MBNL2: variants seen among roughly 807,000 people sequenced by gnomAD.
MBNL2 encodes muscleblind like splicing regulator 2.
MBNL2 carries 17 observed loss-of-function variants against 41.9 expected under a neutral mutation model. The ratio of observed to expected loss-of-function variants is 0.41; its 90% CI spans 0.28 to 0.61. The LOEUF is 0.61. Ranked by LOEUF, MBNL2 falls within the 20% of genes least tolerant of loss-of-function variation. The pLI, the probability that MBNL2 is intolerant of heterozygous loss-of-function variation, is 0.35. For missense variants in MBNL2, 336 were observed against 505.6 expected, an observed-to-expected ratio of 0.66 and a Z score of 3.22; for synonymous variants, 195 against 182.9, an observed-to-expected ratio of 1.07 and a Z score of -0.53.
intron 8 of MBNL2, among the ~76,000 whole-genome samples, chr13:97,387,730 T>C (rs1262353049): frequency 6.6e-6 from 1 of 152,162 alleles, no homozygotes; most frequent in Non-Finnish European, 1.5e-5. Context: ...TGCAAGCCAG[T>C]TAAAATTATG....
chr13:97,274,286 C>T (rs532088351), intron 1 of MBNL2, among the ~76,000 whole-genome samples: 2 of 152,068 alleles, frequency 1.3e-5, no homozygotes, highest in East Asian at 1.9e-4. Context: ...GTCAAGAGTT[C>T]GAAACCAGCC....
rs2061944946 is a variant in MBNL2 at position 97,347,075 on chromosome 13, C to T, written c.804+8C>T. The T allele has an allele frequency of 2.6e-6, 4 of 1,537,756 alleles. No homozygotes were observed. The highest frequency in any genetic ancestry group is 1.2e-5 in the South Asian group (1 of 82,654). ...GCCGCGGCCACAGTCATGGTAAGTGCGGCCGCCCGCCGCCCCTGCACCCCG... is the reference window on the plus strand; with the variant it reads ...GCCGCGGCCACAGTCATGGTAAGTGTGGCCGCCCGCCGCCCCTGCACCCCG... On this transcript the variant is annotated splice_region_variant and intron_variant, in intron 5 of 8. Coordinates refer to ENST00000679496, the MANE Select transcript of MBNL2 (RefSeq NM_001382683.1).
chr13:97,181,872 C>G, the MBNL2 span, among the ~76,000 whole-genome samples: 1 of 152,066 alleles, frequency 6.6e-6, no homozygotes, highest in Admixed American at 6.6e-5. Flanking sequence ...GTTTCCTGCC[C>G]CTGTAACTGA....
chr13:97,152,069 A>G, the MBNL2 span, among the ~76,000 whole-genome samples: 48 of 152,342 alleles, frequency 3.2e-4, 2 homozygotes, highest in South Asian at 9.5e-3. Context: ...ATTTGAAATT[A>G]AAAAAGACAA....
intron 8 of MBNL2, among the ~76,000 whole-genome samples, chr13:97,381,847 A>C (rs2065479078): frequency 1.3e-5 from 2 of 151,586 alleles, no homozygotes; most frequent in Non-Finnish European, 2.9e-5. Flanking sequence ...ATATTATATT[A>C]ATTAATATTA....
chr13:97,185,996 C>T, the MBNL2 span, among the ~76,000 whole-genome samples: 2 of 152,206 alleles, frequency 1.3e-5, no homozygotes, highest in African/African-American at 4.8e-5. Flanking sequence ...GGCTTTTTCT[C>T]TATACCCAGC....
intron 1 of MBNL2, among the ~76,000 whole-genome samples, chr13:97,264,599 TATTG>T (rs2049353775): frequency 6.6e-6 from 1 of 152,238 alleles, no homozygotes; most frequent in Admixed American, 6.5e-5. Context: ...TATGGCAATA[TATTG>T]ATTTTGTTTT....
At chr13:97,163,826 G>C in the MBNL2 span, among the ~76,000 whole-genome samples, 1 of 152,042 alleles carries the variant, frequency 6.6e-6, no homozygotes, top group Non-Finnish European at 1.5e-5. Flanking sequence ...TTTGGACACA[G>C]GGACACAAAC....
the MBNL2 span, among the ~76,000 whole-genome samples, chr13:97,166,361 A>C: frequency 6.6e-6 from 1 of 152,212 alleles, no homozygotes; most frequent in Non-Finnish European, 1.5e-5. Flanking sequence ...CAGGTAGATA[A>C]GGCATAAGGT....
intron 2 of MBNL2, among the ~76,000 whole-genome samples, chr13:97,311,667 T>A (rs1358553349): frequency 1.3e-5 from 2 of 151,452 alleles, no homozygotes; most frequent in African/African-American, 4.9e-5. Context: ...TCTTTTTTTT[T>A]TAAAAAAAAA....
At chr13:97,210,571 A>ATTTTT in the MBNL2 span, among the ~76,000 whole-genome samples, 33 of 65,464 alleles carry the variant, frequency 5.0e-4, 5 homozygotes, top group African/African-American at 1.8e-3. Context: ...ACAACTGTGA[A>ATTTTT]TTTTTTTTTT....
chr13:97,293,417 A>G lies in MBNL2; in HGVS notation c.174+17008A>G, dbSNP rs1436967724. Among the ~76,000 whole-genome samples, 3 of 152,190 alleles carry G rather than the reference A, an allele frequency of 2.0e-5. No individual in the cohort carries two copies. The East Asian group carries it at 5.8e-4, about 29-fold the overall frequency. ...AAAAGGTACAGTTTTTACCTTAGAA[A>G]TGCACTAAAGTATTTTTTTGGTGCA... On this transcript the variant is annotated intron_variant, in intron 2 of 8. Transcript: ENST00000679496.
chr13:97,261,937 C>A (rs912190359), intron 1 of MBNL2, among the ~76,000 whole-genome samples: 1 of 152,202 alleles, frequency 6.6e-6, no homozygotes, highest in Non-Finnish European at 1.5e-5. Flanking sequence ...AGTGGCCGCA[C>A]GCTGGCCCAT....
chr13:97,255,634 T>C (rs2047380863), intron 1 of MBNL2, among the ~76,000 whole-genome samples: 1 of 152,270 alleles, frequency 6.6e-6, no homozygotes, highest in African/African-American at 2.4e-5. Flanking sequence ...TACCCGTAGA[T>C]GGCAGCCAAA....
chr13:97,233,830 T>G (rs1316980593), intron 1 of MBNL2, among the ~76,000 whole-genome samples: 5 of 152,262 alleles, frequency 3.3e-5, no homozygotes, highest in African/African-American at 1.2e-4. Context: ...TCTAGCTGCT[T>G]CTTTGTTCTC....
rs757088770 is a variant in MBNL2 at position 97,366,422 on chromosome 13, C to A, written c.1048+1251C>A. 1 of 956,084 alleles carries A rather than the reference C, an allele frequency of 1.0e-6. No homozygotes were observed. The highest frequency in any genetic ancestry group is 1.7e-6 in the Non-Finnish European group (1 of 584,934). The allele number at this position is 956,084 out of a possible 1,614,324, so 59.2% of individuals were successfully genotyped here. On this transcript the variant is annotated intron_variant, in intron 8 of 8. Coordinates refer to ENST00000679496, the MANE Select transcript of MBNL2 (RefSeq NM_001382683.1). This position sits in a 1 kb window ranked among gnomAD's most constrained non-coding sequence, Gnocchi z 4.7. ...ACTTCTATTACCATAATGCTACACC[C>A]TCCTGTTCATTGCTCCCATGGTTCC...
chr13:97,269,917 G>A (rs1337892800), intron 1 of MBNL2, among the ~76,000 whole-genome samples: 1 of 152,220 alleles, frequency 6.6e-6, no homozygotes, highest in African/African-American at 2.4e-5. Flanking sequence ...AGTAGATTTT[G>A]TTAATACAGA....
chr13:97,264,119 G>A lies in MBNL2; in HGVS notation c.-604-11513G>A, dbSNP rs73555785. ...TCTGCCTCCCGAGTAGCTGGGGCTC[G>A]GGACCTCATGCCATTCTCCTGCCTC... On this transcript the variant is annotated intron_variant, in intron 1 of 8. Coordinates refer to ENST00000679496, the MANE Select transcript of MBNL2 (RefSeq NM_001382683.1). Among the ~76,000 whole-genome samples the A allele has an allele frequency of 6.9e-3, 1,038 of 150,318 alleles. 12 individuals are homozygous for A. The highest frequency in any genetic ancestry group is 0.023 in the African/African-American group (924 of 40,846).
chr13:97,310,782 CTTTT>C (rs11345201), intron 2 of MBNL2, among the ~76,000 whole-genome samples: 4 of 136,028 alleles, frequency 2.9e-5, no homozygotes, highest in Admixed American at 7.3e-5. Context: ...AATTCAGCAT[CTTTT>C]TTTTTTTTTT....
Sources: gnomAD v4.1 joint callset for allele counts (sites outside exome capture counted in the v4.1 genomes callset) on GRCh38, gnomAD v4.1.1 for gene constraint, Gnocchi (gnomAD v3.1) non-coding constraint, MANE v1.5 for transcripts, NCBI Gene and HGNC (gene_info 2026-07-23, HGNC 2026-07-21) for gene names.